DNAAF1: variants seen among roughly 807,000 people sequenced by gnomAD.
DNAAF1 encodes the protein dynein assembly factor 1, axonemal.
In DNAAF1, 65 loss-of-function variants were observed where a neutral mutation model predicts 71.1. That is an observed-to-expected ratio of 0.91 (90% CI 0.75 to 1.12). The LOEUF is 1.12. DNAAF1 is among the 50% of genes most tolerant of loss of function. DNAAF1 has a pLI of 0.00. For missense variants in DNAAF1, 1,178 were observed against 899.8 expected (o/e 1.31, Z -3.96); for synonymous variants, 414 against 354.6 (o/e 1.17, Z -1.88).
chr16:84,158,668 C>A (rs1455646417), intron 5 of DNAAF1, among the ~76,000 whole-genome samples: 1 of 152,168 alleles, frequency 6.6e-6, no homozygotes, highest in Non-Finnish European at 1.5e-5. Context: ...CCCACCACCC[C>A]ACCCTGTGCA....
chr16:84,149,382 T>C (rs574850491), intron 2 of DNAAF1, among the ~76,000 whole-genome samples: 1 of 152,200 alleles, frequency 6.6e-6, no homozygotes, highest in African/African-American at 2.4e-5. Context: ...TTAAAGTATT[T>C]TTATTAGAAC....
chr16:84,168,872 G>A (rs1230477509), intron 7 of DNAAF1, among the ~76,000 whole-genome samples: 1 of 105,158 alleles, frequency 9.5e-6, no homozygotes, highest in Non-Finnish European at 2.1e-5. Context: ...CTTTTCCCCT[G>A]AACCATTTGA....
At chr16:84,174,942 A>T in intron 10 of DNAAF1, 1 of 526,684 alleles carries the variant, frequency 1.9e-6, no homozygotes, top group South Asian at 2.0e-5. Context: ...TGCAACCTCC[A>T]CCTCCTGGGT....
intron 11 of DNAAF1, 119 bp from the exon 12 acceptor site, chr16:84,177,610 T>G: frequency 1.3e-5 from 11 of 838,500 alleles, no homozygotes; most frequent in Non-Finnish European, 2.2e-5. Context: ...ATTACAGGTA[T>G]GAGCCACCAC....
At position 84,154,596 on chromosome 16, in the gene DNAAF1, C is replaced by T. The variant is rs749246104; in HGVS notation, c.372C>T (p.Asn124=). 1 of 1,614,126 alleles carries T rather than the reference C, an allele frequency of 6.2e-7. No individual in the cohort carries two copies. Among genetic ancestry groups the T allele is most frequent in the Non-Finnish European group, 8.5e-7 (1 of 1,180,022 alleles). ...LHFKGFDRIE[N]LEEYTGLRCL... is the part of the protein sequence containing the mutation. ...TGTTAGGTTTTGATCGCATTGAGAA[C>T]CTGGAAGAGTACACAGGGCTGCGCT... The change falls in exon 4 of 12, where the codon AAC becomes AAT. Residue 124 remains asparagine, a synonymous_variant. Coordinates refer to ENST00000378553, the MANE Select transcript of DNAAF1 (RefSeq NM_178452.6).
intron 2 of DNAAF1, among the ~76,000 whole-genome samples, chr16:84,149,418 G>A (rs1201661830): frequency 3.3e-5 from 5 of 152,112 alleles, no homozygotes; most frequent in South Asian, 2.1e-4. Flanking sequence ...TAGGCCGGGC[G>A]CAGTGGCTCA....
chr16:84,145,342 G>T lies in DNAAF1; in HGVS notation c.-99G>T. On this transcript the variant is annotated 5_prime_UTR_variant, in exon 1 of 12. Coordinates refer to ENST00000378553, the MANE Select transcript of DNAAF1 (RefSeq NM_178452.6). Reference sequence around the variant, plus strand: ...AGGGCGCCAGCGGCTGGCGAAGAAGGAAAGAGGGTACTCTCTGGCTGGGCT... The same window carrying T: ...AGGGCGCCAGCGGCTGGCGAAGAAGTAAAGAGGGTACTCTCTGGCTGGGCT... The T allele has an allele frequency of 3.3e-6, 5 of 1,529,820 alleles. No homozygotes were observed. The highest frequency in any genetic ancestry group is 2.5e-5 in the East Asian group (1 of 40,740). 94.8% of individuals were successfully genotyped at this position (1,529,820 alleles called of 1,614,324 possible).
intron 1 of DNAAF1, 115 bp downstream of exon 1, chr16:84,145,679 T>C (rs1445669850): frequency 7.6e-7 from 1 of 1,314,984 alleles, no homozygotes; most frequent in Non-Finnish European, 1.0e-6. Flanking sequence ...ACAATAATAA[T>C]AATGGTAGCA....
At chr16:84,147,385 A>G (rs546236741) in intron 1 of DNAAF1, among the ~76,000 whole-genome samples, 1 of 152,304 alleles carries the variant, frequency 6.6e-6, no homozygotes, top group Admixed American at 6.5e-5. Flanking sequence ...ACAGCTCTTA[A>G]AGTTAAGTGC....
chr16:84,157,341 G>A (rs2087487607), intron 5 of DNAAF1, among the ~76,000 whole-genome samples: 1 of 151,776 alleles, frequency 6.6e-6, no homozygotes, highest in African/African-American at 2.4e-5. Flanking sequence ...TGGTCAACAT[G>A]GCAAAACCCC....
At position 84,165,795 on chromosome 16, in the gene DNAAF1, G is replaced by C; in HGVS notation, c.876G>C (p.Glu292Asp). 1 of 1,613,700 alleles carries C rather than the reference G, an allele frequency of 6.2e-7. No homozygotes were observed. ...PVFPKDRACA[E>D]AWARGGYAAE... The stretch of plus-strand genomic sequence containing the variant: ...GTTTTTTAAACAGAGCTTGTGCGGA[G>C]GCCTGGGCTAGGGGAGGGTACGCAG... Residue 292 changes from glutamate (E) to aspartate (D), a missense_variant, in exon 7 of 12, where the codon GAG becomes GAC. Physicochemically the swap from Glu to Asp is conservative, Grantham distance 45 (BLOSUM62 2). Coordinates refer to ENST00000378553, the MANE Select transcript of DNAAF1 (RefSeq NM_178452.6).
chr16:84,149,235 A>G (rs2087068834), intron 2 of DNAAF1, 93 bp downstream of exon 2: 6 of 1,527,600 alleles, frequency 3.9e-6, no homozygotes, highest in Non-Finnish European at 5.4e-6. Flanking sequence ...AGAGGCTGGT[A>G]GAGATTGAAT....
chr16:84,161,922 A>G (rs1268607875), intron 6 of DNAAF1, among the ~76,000 whole-genome samples: 2 of 152,094 alleles, frequency 1.3e-5, no homozygotes, highest in African/African-American at 4.8e-5. Context: ...GGGCTCCTCT[A>G]ACAGAGATCA....
intron 6 of DNAAF1, among the ~76,000 whole-genome samples, chr16:84,164,107 G>T (rs1273505885): frequency 1.3e-5 from 2 of 152,196 alleles, no homozygotes; most frequent in African/African-American, 2.4e-5. Context: ...ATCTGGCCTA[G>T]ACTTTATTTT....
chr16:84,164,517 G>A (rs2087871568), intron 6 of DNAAF1, among the ~76,000 whole-genome samples: 1 of 152,186 alleles, frequency 6.6e-6, no homozygotes, highest in Admixed American at 6.5e-5. Flanking sequence ...GAATCCTACA[G>A]CATATAGCCT....
At chr16:84,163,083 C>G (rs2087791507) in intron 6 of DNAAF1, among the ~76,000 whole-genome samples, 1 of 152,310 alleles carries the variant, frequency 6.6e-6, no homozygotes, top group South Asian at 2.1e-4. Flanking sequence ...TTTTGATACA[C>G]TACATTGTAT....
intron 11 of DNAAF1, 58 bp from the exon 12 acceptor site, chr16:84,177,671 C>A: frequency 6.7e-7 from 1 of 1,482,038 alleles, no homozygotes; most frequent in Non-Finnish European, 9.4e-7. Context: ...AAGGCTGCCC[C>A]CCTGTCCTTG....
intron 3 of DNAAF1, among the ~76,000 whole-genome samples, chr16:84,154,092 G>T (rs1278157280): frequency 1.3e-5 from 2 of 152,178 alleles, no homozygotes; most frequent in Non-Finnish European, 2.9e-5. Flanking sequence ...AAGAAAAGTT[G>T]CTACTGGAGG....
At chr16:84,151,150 T>G (rs1355108426) in intron 3 of DNAAF1, among the ~76,000 whole-genome samples, 1 of 152,130 alleles carries the variant, frequency 6.6e-6, no homozygotes, top group Non-Finnish European at 1.5e-5. Flanking sequence ...TCTGTGCTGA[T>G]GGGGTGACCA....
Sources: gnomAD v4.1 joint callset for allele counts (sites outside exome capture counted in the v4.1 genomes callset) on GRCh38, gnomAD v4.1.1 for gene constraint, MANE v1.5 for transcripts, NCBI Gene and HGNC (gene_info 2026-07-23, HGNC 2026-07-21) for gene names.